The following ZNF575 variants were observed in gnomAD, a reference collection of about 807,000 sequenced individuals.
The protein encoded by ZNF575 is zinc finger protein 575.
In ZNF575, 17 loss-of-function variants were observed where a neutral mutation model predicts 17.5. That is an observed-to-expected ratio of 0.97 (90% confidence interval 0.66 to 1.45). The LOEUF (loss-of-function observed/expected upper bound fraction) is 1.45, where lower values mean the gene tolerates loss of function less well. ZNF575 is among the 40% of genes most tolerant of loss of function. ZNF575 has a pLI of 0.00. For synonymous variants in ZNF575, 146 were observed against 158.3 expected (o/e 0.92, Z 0.58); for missense variants, 352 against 359.2 (o/e 0.98, Z 0.16).
At chr19:43,534,279 G>C in intron 2 of ZNF575, 58 bp from the exon 3 acceptor site, 1 of 754,858 alleles carries the variant, frequency 1.3e-6, no homozygotes, top group Non-Finnish European at 2.1e-6. Context: ...GCCTGCCCCC[G>C]CCTTAGCATC....
intron 3 of ZNF575, 54 bp downstream of exon 3, chr19:43,534,555 A>G: frequency 7.2e-7 from 1 of 1,380,172 alleles, no homozygotes; most frequent in Non-Finnish European, 9.5e-7. Context: ...GGGGGCCAAA[A>G]TAATCACATT....
Position 43,535,492 on chromosome 19 carries a change from T to C in ZNF575, c.543T>C (p.His181=), listed in dbSNP as rs1972406287. 6.2e-7 allele frequency: 1 copy of C among 1,608,014 alleles called. No individual in the cohort carries two copies. Among genetic ancestry groups the C allele is most frequent in the Non-Finnish European group, 8.5e-7 (1 of 1,177,648 alleles). Residue 181 remains histidine (H), a synonymous_variant, in exon 4 of 4, where the codon CAT becomes CAC. Coordinates refer to ENST00000314228, the MANE Select transcript of ZNF575 (RefSeq NM_174945.3). ...ACGCCCGCCCCTATCCTTGCCCGCA[T>C]TGCCCCAAGGCTTTCTCATTTCCCT... ...ATDARPYPCP[H]CPKAFSFPSK...
chr19:43,535,890 C>T lies in ZNF575; in HGVS notation c.*203C>T. The stretch of plus-strand genomic sequence containing the variant: ...CTTTGGGGAGATCTCAAACCATGGA[C>T]GTGGAGCTGTGGTTTGACAGCGCTG... On this transcript the variant is annotated 3_prime_UTR_variant, in exon 4 of 4. Transcript: ENST00000314228. 3.2e-6 allele frequency: 2 copies of T among 621,466 alleles called. No homozygotes were observed. Among genetic ancestry groups the T allele is most frequent in the Admixed American group, 3.0e-5 (1 of 33,404 alleles). 38.5% of individuals were successfully genotyped at this position (621,466 alleles called of 1,614,324 possible). A position where few individuals can be genotyped will look rare whatever the true frequency, so the allele number is the denominator to read the frequency against.
intron 2 of ZNF575, 43 bp from the exon 3 acceptor site, chr19:43,534,294 A>G (rs1003963865): frequency 1.2e-6 from 1 of 859,986 alleles, no homozygotes; most frequent in Non-Finnish European, 1.8e-6. Flanking sequence ...AGCATCCCAT[A>G]CTTGCAGACC....
chr19:43,535,486 C>G lies in ZNF575; in HGVS notation c.537C>G (p.Cys179Trp), dbSNP rs769218154. 7 of 1,613,674 alleles carry G rather than the reference C, an allele frequency of 4.3e-6. No individual in the cohort carries two copies. The Admixed American group carries it at 8.3e-5, about 19-fold the overall frequency. The change falls in exon 4 of 4, where the codon TGC becomes TGG. Residue 179 changes from cysteine (C) to tryptophan (W), a missense_variant. Physicochemically the swap from Cys to Trp is radical, Grantham distance 215. Coordinates refer to ENST00000314228, the MANE Select transcript of ZNF575 (RefSeq NM_174945.3). Reference protein sequence around the residue: ...HHATDARPYPCPHCPKAFSFP... With the variant: ...HHATDARPYPWPHCPKAFSFP... ...CCACCGACGCCCGCCCCTATCCTTG[C>G]CCGCATTGCCCCAAGGCTTTCTCAT...
rs370566342 is a variant in ZNF575, at chr19:43,533,225, G to A, written c.-491G>A. ...GCTCACGAACTTGCCTGCCTGGCTG[G>A]CGCACCCAGCCCCTCCTTCCATTCC... On this transcript the variant is annotated 5_prime_UTR_variant, in exon 1 of 4. Coordinates refer to ENST00000314228, the MANE Select transcript of ZNF575 (RefSeq NM_174945.3). The A allele has an allele frequency of 2.0e-5, 3 of 152,404 alleles. No homozygotes were observed. The East Asian group carries it at 5.8e-4, about 29-fold the overall frequency. The allele number at this position is 152,404 out of a possible 1,614,324, so 9.4% of individuals were successfully genotyped here. A position where few individuals can be genotyped will look rare whatever the true frequency, so the allele number is the denominator to read the frequency against.
At position 43,534,326 on chromosome 19, in the gene ZNF575, C is replaced by G; in HGVS notation, c.-86-11C>G. ...GACCTTGCTCCTAAACAGTGTGATC[C>G]CTCATTTTAGGCCCTCCAACCCTAT... On this transcript the variant is annotated splice_polypyrimidine_tract_variant and intron_variant, in intron 2 of 3. Coordinates refer to ENST00000314228, the MANE Select transcript of ZNF575 (RefSeq NM_174945.3). 1 of 1,182,390 alleles carries G rather than the reference C, an allele frequency of 8.5e-7. No homozygotes were observed. The highest frequency in any genetic ancestry group is 1.3e-5 in the South Asian group (1 of 75,834). 73.2% of individuals were successfully genotyped at this position (1,182,390 alleles called of 1,614,324 possible). A position where few individuals can be genotyped will look rare whatever the true frequency, so the allele number is the denominator to read the frequency against.
upstream of ZNF575, among the ~76,000 whole-genome samples, chr19:43,531,588 AAGAG>A (rs72253278): frequency 0.18 from 26,826 of 151,710 alleles, 2,440 homozygotes; most frequent in Non-Finnish European, 0.2. Flanking sequence ...TCTCAAAAAA[AAGAG>A]AGAGAGAGAG....
At position 43,535,834 on chromosome 19, in the gene ZNF575, T is replaced by C; in HGVS notation, c.*147T>C. ...TTGGCCATTTATACTGGGCTCGAGC[T>C]CAGAAGCCCGAGGAACTCTTTGCTC... is the stretch of plus-strand genomic sequence containing the variant. On this transcript the variant is annotated 3_prime_UTR_variant, in exon 4 of 4. Transcript: ENST00000314228. The C allele has an allele frequency of 2.2e-6, 2 of 912,954 alleles. No homozygotes were observed. Among genetic ancestry groups the C allele is most frequent in the Non-Finnish European group, 3.2e-6 (2 of 622,218 alleles). 56.6% of individuals were successfully genotyped at this position (912,954 alleles called of 1,614,324 possible).
chr19:43,531,188 C>T (rs372623653), upstream of ZNF575, among the ~76,000 whole-genome samples: 2 of 150,596 alleles, frequency 1.3e-5, no homozygotes, highest in Admixed American at 6.6e-5. Flanking sequence ...CTACTCAGGA[C>T]GTTGAAGCAG....
chr19:43,535,414 C>T lies in ZNF575; in HGVS notation c.465C>T (p.Ser155=). ...ACCCGTGCCCCGACTGCCCCAAGTC[C>T]TTCTGCTACCCTTCCAAGCTGGCGG... ...RPYPCPDCPK[S]FCYPSKLAAH... Residue 155 remains serine, a synonymous_variant, in exon 4 of 4, where the codon TCC becomes TCT. Coordinates refer to ENST00000314228, the MANE Select transcript of ZNF575 (RefSeq NM_174945.3). 1 of 1,590,636 alleles carries T rather than the reference C, an allele frequency of 6.3e-7. No individual in the cohort carries two copies.
At chr19:43,531,317 C>G (rs190162346), upstream of ZNF575, among the ~76,000 whole-genome samples, 1 of 151,774 alleles carries the variant, frequency 6.6e-6, no homozygotes, top group East Asian at 1.9e-4. Flanking sequence ...GGCACAGTGG[C>G]TCACCCCTGT....
upstream of ZNF575, among the ~76,000 whole-genome samples, chr19:43,530,836 T>C (rs977806070): frequency 5.3e-5 from 8 of 152,200 alleles, no homozygotes; most frequent in South Asian, 2.1e-4. Flanking sequence ...AACATTGCTA[T>C]GGGGATTAAA....
Position 43,534,410 on chromosome 19 carries a change from C to A in ZNF575, c.-13C>A. ...CGCCCCGCGCCCTGCCCCTAGGTTC[C>A]TGTGCCAGCAAGATGCTGGAGCGAG... On this transcript the variant is annotated 5_prime_UTR_variant, in exon 3 of 4. In the 5' UTR this introduces an upstream ATG that the reference lacks. Coordinates refer to ENST00000314228, the MANE Select transcript of ZNF575 (RefSeq NM_174945.3). 6.4e-7 allele frequency: 1 copy of A among 1,557,854 alleles called. No homozygotes were observed. The highest frequency in any genetic ancestry group is 2.5e-5 in the East Asian group (1 of 40,432).
chr19:43,535,717 C>A lies in ZNF575; in HGVS notation c.*30C>A, dbSNP rs773336734. ...TCCCTTGGCTCACTGTCCCCTTCTGCCGCCAGCCCTAGCCAGTAAGAGGTG... is the reference window on the plus strand; with the variant it reads ...TCCCTTGGCTCACTGTCCCCTTCTGACGCCAGCCCTAGCCAGTAAGAGGTG... On this transcript the variant is annotated 3_prime_UTR_variant, in exon 4 of 4. Coordinates refer to ENST00000314228, the MANE Select transcript of ZNF575 (RefSeq NM_174945.3). The A allele has an allele frequency of 1.1e-5, 17 of 1,557,982 alleles. No individual in the cohort carries two copies. The highest frequency in any genetic ancestry group is 1.2e-5 in the Non-Finnish European group (14 of 1,151,098).
Position 43,535,706 on chromosome 19 carries a change from G to C in ZNF575, c.*19G>C, listed in dbSNP as rs772363894. ...AGACTGAGCCCTCCCTTGGCTCACT[G>C]TCCCCTTCTGCCGCCAGCCCTAGCC... On this transcript the variant is annotated 3_prime_UTR_variant, in exon 4 of 4. Transcript: ENST00000314228. The C allele has an allele frequency of 6.4e-7, 1 of 1,573,152 alleles. No homozygotes were observed. Among genetic ancestry groups the C allele is most frequent in the East Asian group, 2.3e-5 (1 of 42,794 alleles).
chr19:43,535,025 C>T lies in ZNF575; in HGVS notation c.80-4C>T. On this transcript the variant is annotated splice_region_variant and splice_polypyrimidine_tract_variant and intron_variant, in intron 3 of 3. Coordinates refer to ENST00000314228, the MANE Select transcript of ZNF575 (RefSeq NM_174945.3). Reference sequence around the variant, plus strand: ...TGGAGCCCACCAGCCCTCCTGTCCCCCAGCTCCCCACCAGGGCCCACCGCA... The same window carrying T: ...TGGAGCCCACCAGCCCTCCTGTCCCTCAGCTCCCCACCAGGGCCCACCGCA... The T allele has an allele frequency of 6.9e-7, 1 of 1,441,674 alleles. No individual in the cohort carries two copies. Among genetic ancestry groups the T allele is most frequent in the Non-Finnish European group, 9.0e-7 (1 of 1,109,908 alleles). The allele number at this position is 1,441,674 out of a possible 1,614,324, so 89.3% of individuals were successfully genotyped here. A position where few individuals can be genotyped will look rare whatever the true frequency, so the allele number is the denominator to read the frequency against.
At chr19:43,534,626 A>C (rs1407037012) in intron 3 of ZNF575, 125 bp downstream of exon 3, 2 of 923,732 alleles carry the variant, frequency 2.2e-6, no homozygotes, top group African/African-American at 3.5e-5. Flanking sequence ...TGGGATCCCC[A>C]AAACTGCCAC....
chr19:43,535,248 T>C lies in ZNF575; in HGVS notation c.299T>C (p.Phe100Ser), dbSNP rs150616280. The change falls in exon 4 of 4, where the codon TTC (phenylalanine) becomes TCC (serine). Residue 100 changes from phenylalanine to serine, a missense_variant. Physicochemically the swap from Phe to Ser is radical, Grantham distance 155. Coordinates refer to ENST00000314228, the MANE Select transcript of ZNF575 (RefSeq NM_174945.3). ...CCATGCCCAGACTGCCCCAAGGCCT[T>C]CTCCTACCCCTCCAAGCTGGCAGCC... Reference protein sequence around the residue: ...PHPCPDCPKAFSYPSKLAAHR... With the variant: ...PHPCPDCPKASSYPSKLAAHR... The C allele has an allele frequency of 4.3e-5, 70 of 1,611,776 alleles. No homozygotes were observed. In the African/African-American group the frequency reaches 8.0e-4, roughly 18 times the overall value.
Sources: allele counts gnomAD v4.1 joint callset (sites outside exome capture counted in the v4.1 genomes callset), GRCh38; gene constraint gnomAD v4.1.1; transcripts MANE v1.5; gene names NCBI Gene and HGNC (gene_info 2026-07-23, HGNC 2026-07-21).